KCNB2: variants seen among roughly 807,000 people sequenced by gnomAD.
The protein encoded by KCNB2 is potassium voltage-gated channel subfamily B member 2.
Under a neutral mutation model 61.5 loss-of-function variants are expected in KCNB2, and 15 were observed. The ratio of observed to expected loss-of-function variants is 0.24; its 90% CI spans 0.16 to 0.38. The LOEUF (loss-of-function observed/expected upper bound fraction) is 0.38. KCNB2 is among the 10% of genes least tolerant of loss of function. KCNB2 has a pLI of 1.00. For synonymous variants in KCNB2, 457 were observed against 446.0 expected (o/e 1.02, Z -0.31); for missense variants, 828 against 1,125.2 (o/e 0.74, Z 3.78).
chr8:72,710,958 G>A lies in KCNB2; in HGVS notation c.579+142645G>A, dbSNP rs531972460. Among the ~76,000 whole-genome samples, 246 of 152,270 alleles carry A rather than the reference G, an allele frequency of 1.6e-3. 1 individual carries two copies. Among genetic ancestry groups the A allele is most frequent in the African/African-American group, 5.7e-3 (238 of 41,550 alleles). ...TTATGAACTTCATCGATCAACATAGGCTAAGTTATGCTAGTGACAAACAAT... is the reference window on the plus strand; with the variant it reads ...TTATGAACTTCATCGATCAACATAGACTAAGTTATGCTAGTGACAAACAAT... On this transcript the variant is annotated intron_variant, in intron 2 of 2. Coordinates refer to ENST00000523207, the MANE Select transcript of KCNB2 (RefSeq NM_004770.3).
chr8:72,753,953 T>C (rs1460484291), intron 2 of KCNB2, among the ~76,000 whole-genome samples: 7 of 152,158 alleles, frequency 4.6e-5, no homozygotes. Context: ...TCCTGCAGCA[T>C]TGCACCTGTT....
At chr8:72,832,892 T>C (rs1271372595) in intron 2 of KCNB2, among the ~76,000 whole-genome samples, 4 of 152,142 alleles carry the variant, frequency 2.6e-5, no homozygotes, top group Non-Finnish European at 5.9e-5. Flanking sequence ...GAGAGCGAGA[T>C]ACTCTCTGTC....
At chr8:72,541,870 A>G (rs564764776) in intron 1 of KCNB2, among the ~76,000 whole-genome samples, 2 of 152,234 alleles carry the variant, frequency 1.3e-5, no homozygotes, top group Admixed American at 6.5e-5. Context: ...TGAACATAGT[A>G]TTACAAATTT....
At chr8:72,790,614 A>C (rs750644247) in intron 2 of KCNB2, among the ~76,000 whole-genome samples, 1 of 152,184 alleles carries the variant, frequency 6.6e-6, no homozygotes, top group Non-Finnish European at 1.5e-5. Context: ...GTTCTGTGAC[A>C]GCAGCCAGCA....
chr8:72,626,280 A>T (rs1805787823), intron 2 of KCNB2, among the ~76,000 whole-genome samples: 1 of 152,232 alleles, frequency 6.6e-6, no homozygotes, highest in Non-Finnish European at 1.5e-5. Flanking sequence ...CCCAGTGTCC[A>T]GCAAATTTGA....
chr8:72,806,506 T>C (rs985475222), intron 2 of KCNB2, among the ~76,000 whole-genome samples: 3 of 151,784 alleles, frequency 2.0e-5, no homozygotes, highest in African/African-American at 7.3e-5. Context: ...TACCAGCTAC[T>C]CAGGAGGCTG....
intron 2 of KCNB2, among the ~76,000 whole-genome samples, chr8:72,882,519 T>TGGAGAGAG (rs1805729766): frequency 2.6e-5 from 1 of 38,108 alleles, no homozygotes; most frequent in African/African-American, 1.2e-4. Flanking sequence ...CTGCTGACAG[T>TGGAGAGAG]TGAGAGAGAG....
intron 2 of KCNB2, among the ~76,000 whole-genome samples, chr8:72,633,490 G>C (rs1373199940): frequency 2.6e-5 from 4 of 152,104 alleles, no homozygotes; most frequent in Non-Finnish European, 5.9e-5. Context: ...CAGATTCCGG[G>C]AATTAGGGCA....
rs577643685 is a variant in KCNB2, at chr8:72,870,244, TGAATAAGTTCTA to T, written c.580-65688_580-65677del. On this transcript the variant is annotated intron_variant, in intron 2 of 2. Transcript: ENST00000523207. ...AGCATAAAGTTTCAGTTACATAAGA[TGAATAAGTTCTA>T]GAGATCTGTGTACAACGTGGTGCCT... is the stretch of plus-strand genomic sequence containing the variant. Among the ~76,000 whole-genome samples the T allele has an allele frequency of 3.0e-4, 46 of 152,296 alleles. No homozygotes were observed. The East Asian group carries it at 8.9e-3, about 29-fold the overall frequency.
At chr8:72,592,361 A>G (rs1238507287) in intron 2 of KCNB2, among the ~76,000 whole-genome samples, 1 of 152,164 alleles carries the variant, frequency 6.6e-6, no homozygotes, top group Non-Finnish European at 1.5e-5. Flanking sequence ...ATACATCAGT[A>G]TATATCTGCA....
At chr8:72,626,219 G>GT (rs1319433023) in intron 2 of KCNB2, among the ~76,000 whole-genome samples, 1 of 152,066 alleles carries the variant, frequency 6.6e-6, no homozygotes, top group Non-Finnish European at 1.5e-5. Flanking sequence ...GAATGCCCAG[G>GT]TACACGGGCC....
intron 2 of KCNB2, among the ~76,000 whole-genome samples, chr8:72,778,743 A>G (rs1808702552): frequency 7.6e-6 from 1 of 131,722 alleles, no homozygotes; most frequent in African/African-American, 2.7e-5. Flanking sequence ...CAAAAAAAAA[A>G]AAAAAAAAAA....
chr8:72,804,766 A>G (rs555059789), intron 2 of KCNB2, among the ~76,000 whole-genome samples: 13 of 152,334 alleles, frequency 8.5e-5, no homozygotes, highest in Non-Finnish European at 1.5e-4. Context: ...TGTCTGTAGT[A>G]TTCGACTTAT....
intron 2 of KCNB2, among the ~76,000 whole-genome samples, chr8:72,571,081 G>A (rs902906509): frequency 1.3e-5 from 2 of 152,132 alleles, no homozygotes; most frequent in Non-Finnish European, 2.9e-5. Context: ...AAGCTATTAA[G>A]ATTATTTGCC....
intron 2 of KCNB2, among the ~76,000 whole-genome samples, chr8:72,869,064 C>T (rs1805577124): frequency 6.6e-6 from 1 of 152,180 alleles, no homozygotes; most frequent in African/African-American, 2.4e-5. Context: ...ATGACCACTC[C>T]ATACAAAGCC....
intron 2 of KCNB2, among the ~76,000 whole-genome samples, chr8:72,698,128 C>A (rs1444462017): frequency 6.6e-6 from 1 of 152,128 alleles, no homozygotes; most frequent in Non-Finnish European, 1.5e-5. Context: ...TCAAAAGGCT[C>A]CTGGAACTGA....
rs143136293 is a variant in KCNB2 at position 72,938,215 on chromosome 8, A to C, written c.*124A>C. On this transcript the variant is annotated 3_prime_UTR_variant, in exon 3 of 3. Coordinates refer to ENST00000523207, the MANE Select transcript of KCNB2 (RefSeq NM_004770.3). ...GCCCTCCCCAAAAAAAGTGCATAAA[A>C]TGTTATTTTTGCATGGCATGAACAG... The C allele has an allele frequency of 2.8e-4, 201 of 724,572 alleles. No homozygotes were observed. In the Middle Eastern group the frequency reaches 3.1e-3, roughly 11 times the overall value. The allele number at this position is 724,572 out of a possible 1,614,324, so 44.9% of individuals were successfully genotyped here.
chr8:72,669,093 C>G (rs765543135), intron 2 of KCNB2, among the ~76,000 whole-genome samples: 9 of 152,176 alleles, frequency 5.9e-5, no homozygotes, highest in Non-Finnish European at 1.0e-4. Flanking sequence ...CAGGAAATTT[C>G]TAGTTTCCAT....
chr8:72,602,682 G>A (rs1805373141), intron 2 of KCNB2, among the ~76,000 whole-genome samples: 1 of 152,120 alleles, frequency 6.6e-6, no homozygotes, highest in African/African-American at 2.4e-5. Flanking sequence ...GCAGGGCATA[G>A]CTTGGCAGTT....
Sources: allele counts gnomAD v4.1 joint callset (sites outside exome capture counted in the v4.1 genomes callset), GRCh38; gene constraint gnomAD v4.1.1; transcripts MANE v1.5; gene names NCBI Gene and HGNC (gene_info 2026-07-23, HGNC 2026-07-21).